The following ANAPC1 variants were observed in gnomAD, a reference collection of about 807,000 sequenced individuals.
ANAPC1 encodes the protein anaphase-promoting complex subunit 1.
In ANAPC1, 36 loss-of-function variants were observed where a neutral mutation model predicts 208.0. The ratio of observed to expected loss-of-function variants is 0.17; its 90% CI spans 0.13 to 0.23. The LOEUF (loss-of-function observed/expected upper bound fraction) is 0.23. Ranked by LOEUF, ANAPC1 falls within the 10% of genes least tolerant of loss-of-function variation. The pLI is 1.00. For synonymous variants in ANAPC1, 378 were observed against 695.2 expected, an observed-to-expected ratio of 0.54 and a Z score of 7.18; for missense variants, 942 against 2,011.6, an observed-to-expected ratio of 0.47 and a Z score of 10.17.
chr2:111,801,418 G>A lies in ANAPC1; in HGVS notation c.4222-547C>T, dbSNP rs1312226184. Among the ~76,000 whole-genome samples the A allele has an allele frequency of 2.4e-5, 3 of 124,044 alleles. 1 individual carries two copies. The highest frequency in any genetic ancestry group is 9.3e-5 in the African/African-American group (3 of 32,134). The allele number at this position is 124,044 out of a possible 152,430, so 81.4% of individuals were successfully genotyped here. ...TACACCTTGCCTGCCAAACAACACA[G>A]CTTGGCCTAGCCTACCTTAAACATG... On this transcript the variant is annotated intron_variant, in intron 33 of 47. Coordinates refer to ENST00000341068, the MANE Select transcript of ANAPC1 (RefSeq NM_022662.4).
At chr2:111,827,455 C>T (rs1679897588) in intron 21 of ANAPC1, among the ~76,000 whole-genome samples, 1 of 152,080 alleles carries the variant, frequency 6.6e-6, no homozygotes, top group Non-Finnish European at 1.5e-5. Flanking sequence ...ACAAGTGACT[C>T]AATAGAAAAA....
chr2:111,872,125 G>C (rs182404940), intron 6 of ANAPC1, among the ~76,000 whole-genome samples: 1 of 152,066 alleles, frequency 6.6e-6, no homozygotes, highest in Non-Finnish European at 1.5e-5. Flanking sequence ...GTTGGCTGTG[G>C]GTTTGTTGTA....
intron 46 of ANAPC1, among the ~76,000 whole-genome samples, chr2:111,773,695 T>C (rs956689006): frequency 3.3e-5 from 5 of 151,602 alleles, no homozygotes; most frequent in African/African-American, 1.2e-4. Flanking sequence ...AGGTGAAGAA[T>C]GAGAGGAAAA....
Position 111,831,446 on chromosome 2 carries a change from G to C in ANAPC1, c.2477-12C>G. ...AAATCCTGTTTGACCTTTAAAATTA[G>C]ATAAATATTCAAAAAGACACGAAAA... On this transcript the variant is annotated splice_polypyrimidine_tract_variant and intron_variant, in intron 20 of 47. Coordinates refer to ENST00000341068, the MANE Select transcript of ANAPC1 (RefSeq NM_022662.4). 6.3e-7 allele frequency: 1 copy of C among 1,578,354 alleles called. No individual in the cohort carries two copies. The highest frequency in any genetic ancestry group is 1.1e-5 in the South Asian group (1 of 87,428).
At chr2:111,858,633 G>A (rs1454894601) in intron 10 of ANAPC1, among the ~76,000 whole-genome samples, 1 of 152,004 alleles carries the variant, frequency 6.6e-6, no homozygotes, top group East Asian at 1.9e-4. Flanking sequence ...ATGATGGCAG[G>A]CGCCTGTGGT....
rs201139467 is a variant in ANAPC1, at chr2:111,863,856, T to A, written c.871A>T (p.Thr291Ser). ...CTGCTAGTGGCCACATTCTGTGGGG[T>A]TCCCCCCTGTTCAGAGAACTTTAAA... ...VVLKFSEQGG[T>S]PQNVATSSSL... Residue 291 changes from threonine (T) to serine (S), a missense_variant, in exon 9 of 48, where the codon ACC (threonine) becomes TCC (serine). Thr to Ser is a moderately conservative substitution (Grantham distance 58, BLOSUM62 1). Coordinates refer to ENST00000341068, the MANE Select transcript of ANAPC1 (RefSeq NM_022662.4). 20 of 1,613,242 alleles carry A rather than the reference T, an allele frequency of 1.2e-5. No homozygotes were observed. In the East Asian group the frequency reaches 2.9e-4, roughly 23 times the overall value.
At chr2:111,791,798 G>T (rs1677889151) in intron 38 of ANAPC1, among the ~76,000 whole-genome samples, 1 of 151,578 alleles carries the variant, frequency 6.6e-6, no homozygotes, top group Non-Finnish European at 1.5e-5. Context: ...CGGGTGCTGT[G>T]AGTTGAAAGT....
At chr2:111,883,640 G>T (rs1326742715) in intron 1 of ANAPC1, among the ~76,000 whole-genome samples, 1 of 152,156 alleles carries the variant, frequency 6.6e-6, no homozygotes, top group Non-Finnish European at 1.5e-5. Flanking sequence ...GAGAGCCCGA[G>T]GCTCAGAAAA....
chr2:111,839,090 T>C (rs1487567748), intron 17 of ANAPC1, among the ~76,000 whole-genome samples: 1 of 152,184 alleles, frequency 6.6e-6, no homozygotes, highest in Non-Finnish European at 1.5e-5. Flanking sequence ...GAAGTCACTG[T>C]CATCACTTCC....
At chr2:111,881,639 G>C (rs1256582533) in intron 1 of ANAPC1, among the ~76,000 whole-genome samples, 10 of 152,130 alleles carry the variant, frequency 6.6e-5, no homozygotes, top group Non-Finnish European at 1.0e-4. Flanking sequence ...TAGCAGCCAG[G>C]CTTTAGACAA....
At chr2:111,840,330 T>A (rs995601437) in intron 17 of ANAPC1, among the ~76,000 whole-genome samples, 6 of 152,214 alleles carry the variant, frequency 3.9e-5, no homozygotes, top group African/African-American at 1.4e-4. Flanking sequence ...ATGAGGACCA[T>A]TTTATCCTAA....
At chr2:111,828,829 T>C (rs2104451663) in intron 21 of ANAPC1, among the ~76,000 whole-genome samples, 1 of 152,338 alleles carries the variant, frequency 6.6e-6, no homozygotes, top group Non-Finnish European at 1.5e-5. Context: ...ACAGAGTTTA[T>C]GTTGGGGATG....
At chr2:111,788,396 G>A in intron 38 of ANAPC1, 76 bp from the exon 39 acceptor site, 3 of 1,565,824 alleles carry the variant, frequency 1.9e-6, no homozygotes, top group African/African-American at 1.3e-5. Flanking sequence ...TGAGAATCAG[G>A]AAACTGGTGT....
chr2:111,829,129 G>T (rs370230053), intron 21 of ANAPC1, among the ~76,000 whole-genome samples: 1 of 152,112 alleles, frequency 6.6e-6, no homozygotes, highest in Non-Finnish European at 1.5e-5. Flanking sequence ...CAGGAGAATC[G>T]CTTGAACCTA....
intron 2 of ANAPC1, among the ~76,000 whole-genome samples, chr2:111,879,520 A>G (rs1683188118): frequency 6.6e-6 from 1 of 152,206 alleles, no homozygotes; most frequent in Non-Finnish European, 1.5e-5. Context: ...TGACAATGGA[A>G]TAAGGCAGGA....
At chr2:111,847,000 T>C in intron 16 of ANAPC1, 138 bp downstream of exon 16, 1 of 676,390 alleles carries the variant, frequency 1.5e-6, no homozygotes, top group South Asian at 1.9e-5. Flanking sequence ...AAGCACTCCC[T>C]AGCTCTTTAA....
chr2:111,865,636 A>G (rs1682362163), intron 7 of ANAPC1, among the ~76,000 whole-genome samples: 1 of 152,236 alleles, frequency 6.6e-6, no homozygotes, highest in East Asian at 1.9e-4. Flanking sequence ...GGTTTTTTTC[A>G]TACATATATA....
chr2:111,824,945 A>C, intron 24 of ANAPC1, 21 bp downstream of exon 24: 1 of 1,613,634 alleles, frequency 6.2e-7, no homozygotes, highest in Non-Finnish European at 8.5e-7. Context: ...CCTAGTTAGG[A>C]GGTAACAAAG....
chr2:111,840,400 A>G (rs6541916), intron 17 of ANAPC1, among the ~76,000 whole-genome samples: 103,580 of 152,124 alleles, frequency 0.68, 35,471 homozygotes, highest in African/African-American at 0.75. Context: ...ATAAATAAAT[A>G]GCAAAGCAAC....
Sources: allele counts gnomAD v4.1 joint callset (sites outside exome capture counted in the v4.1 genomes callset), GRCh38; gene constraint gnomAD v4.1.1; transcripts MANE v1.5; gene names NCBI Gene and HGNC (gene_info 2026-07-23, HGNC 2026-07-21).